DIAPH3: variants seen among roughly 807,000 people sequenced by gnomAD.
DIAPH3 encodes diaphanous related formin 3, also known as protein diaphanous homolog 3.
DIAPH3 carries 117 observed loss-of-function variants against 144.3 expected under a neutral mutation model. The ratio of observed to expected loss-of-function variants is 0.81; its 90% CI spans 0.70 to 0.95. The LOEUF (loss-of-function observed/expected upper bound fraction) is 0.95, where lower values mean the gene tolerates loss of function less well. DIAPH3 is among the 40% of genes least tolerant of loss of function. DIAPH3 has a pLI of 0.00. For synonymous variants in DIAPH3, 519 were observed against 488.9 expected, an observed-to-expected ratio of 1.06 and a Z score of -0.81; for missense variants, 1,421 against 1,412.7, an observed-to-expected ratio of 1.01 and a Z score of -0.09.
intron 27 of DIAPH3, among the ~76,000 whole-genome samples, chr13:59,707,050 T>C (rs2034469286): frequency 6.6e-6 from 1 of 152,164 alleles, no homozygotes; most frequent in South Asian, 2.1e-4. Flanking sequence ...TTTCAGAAAA[T>C]GGTTATATCC....
intron 27 of DIAPH3, among the ~76,000 whole-genome samples, chr13:59,760,861 G>C (rs907806191): frequency 3.3e-5 from 5 of 152,146 alleles, no homozygotes; most frequent in Non-Finnish European, 7.4e-5. Context: ...GACAGCTCCT[G>C]TGACTAATTA....
intron 5 of DIAPH3, among the ~76,000 whole-genome samples, chr13:60,033,686 C>T (rs1299066305): frequency 6.6e-6 from 1 of 152,078 alleles, no homozygotes; most frequent in Non-Finnish European, 1.5e-5. Context: ...CCACCAGGCC[C>T]CACCTTCAGC....
At chr13:60,060,782 T>C (rs1296789478) in intron 4 of DIAPH3, among the ~76,000 whole-genome samples, 1 of 152,074 alleles carries the variant, frequency 6.6e-6, no homozygotes, top group African/African-American at 2.4e-5. Flanking sequence ...ACCATGCTCC[T>C]AAGAAAATTC....
At chr13:59,808,332 T>C (rs1399304701) in intron 25 of DIAPH3, among the ~76,000 whole-genome samples, 2 of 151,924 alleles carry the variant, frequency 1.3e-5, no homozygotes, top group African/African-American at 4.8e-5. Flanking sequence ...AATGAACTTA[T>C]AAACGCTTTT....
chr13:59,841,043 A>G (rs1318286958), intron 22 of DIAPH3, among the ~76,000 whole-genome samples: 2 of 152,044 alleles, frequency 1.3e-5, no homozygotes, highest in Admixed American at 6.6e-5. Flanking sequence ...CTGCTTGTCA[A>G]TTATCCACAA....
chr13:60,138,430 C>T lies in DIAPH3; in HGVS notation c.181-5441G>A, dbSNP rs571351729. Among the ~76,000 whole-genome samples the T allele has an allele frequency of 1.6e-4, 25 of 152,294 alleles. No homozygotes were observed. The South Asian group carries it at 4.6e-3, about 28-fold the overall frequency. On this transcript the variant is annotated intron_variant, in intron 1 of 27. Transcript: ENST00000400324. ...CTTTAAAAACTGGACATACCTGAAA[C>T]AAGCCACATGAAGGGTATAGATAAG...
At chr13:60,150,087 T>A (rs1951714981) in intron 1 of DIAPH3, among the ~76,000 whole-genome samples, 1 of 152,128 alleles carries the variant, frequency 6.6e-6, no homozygotes, top group African/African-American at 2.4e-5. Flanking sequence ...AGTGACACAA[T>A]CATGGCTCAC....
At chr13:60,094,707 G>A (rs545820709) in intron 3 of DIAPH3, among the ~76,000 whole-genome samples, 65 of 152,290 alleles carry the variant, frequency 4.3e-4, no homozygotes, top group African/African-American at 1.4e-3. Context: ...TTATAAGGGT[G>A]CTACATTCAT....
chr13:59,879,291 A>G lies in DIAPH3; in HGVS notation c.2545T>C (p.Tyr849His), dbSNP rs2044841940. 6.2e-7 allele frequency: 1 copy of G among 1,613,658 alleles called. No individual in the cohort carries two copies. The highest frequency in any genetic ancestry group is 1.1e-5 in the South Asian group (1 of 91,086). Residue 849 changes from tyrosine (Y) to histidine (H), a missense_variant, in exon 21 of 28, where the codon TAC becomes CAC. Tyr to His is a moderately conservative substitution (Grantham distance 83, BLOSUM62 2). Transcript: ENST00000400324. Reference sequence around the variant, plus strand: ...GCATTCCGGGAGCCAGCATTCATGTAGTTTCCCATTAGCAATACAAGTTCC... The same window carrying G: ...GCATTCCGGGAGCCAGCATTCATGTGGTTTCCCATTAGCAATACAAGTTCC... ...LLELVLLMGNYMNAGSRNAQT... is the reference protein window; with the variant it reads ...LLELVLLMGNHMNAGSRNAQT...
chr13:59,940,717 A>G (rs1368999226), intron 17 of DIAPH3, among the ~76,000 whole-genome samples: 1 of 152,180 alleles, frequency 6.6e-6, no homozygotes, highest in Admixed American at 6.5e-5. Flanking sequence ...AATCTCCAAT[A>G]AGAAACCATT....
intron 5 of DIAPH3, among the ~76,000 whole-genome samples, chr13:60,040,850 C>T (rs1173521069): frequency 2.0e-5 from 3 of 151,850 alleles, no homozygotes; most frequent in African/African-American, 4.8e-5. Flanking sequence ...TTTTCGCTCT[C>T]GCACTCAAGC....
At chr13:59,782,311 G>C (rs982011255) in intron 25 of DIAPH3, among the ~76,000 whole-genome samples, 1 of 152,256 alleles carries the variant, frequency 6.6e-6, no homozygotes, top group Admixed American at 6.5e-5. Flanking sequence ...TTAGTGGTGA[G>C]AGGGCATTAG....
intron 14 of DIAPH3, 142 bp downstream of exon 14, chr13:59,980,653 G>A (rs1049800413): frequency 4.1e-6 from 3 of 724,978 alleles, no homozygotes; most frequent in Admixed American, 4.4e-5. Flanking sequence ...AGATACAGTA[G>A]TCCTCCTTGG....
chr13:60,080,996 A>G (rs2057540568), intron 4 of DIAPH3, among the ~76,000 whole-genome samples: 1 of 152,012 alleles, frequency 6.6e-6, no homozygotes, highest in Non-Finnish European at 1.5e-5. Context: ...TTCTGAGCTC[A>G]TCAGGCCTGC....
intron 25 of DIAPH3, among the ~76,000 whole-genome samples, chr13:59,778,860 G>A (rs1034490768): frequency 2.0e-5 from 3 of 152,030 alleles, no homozygotes; most frequent in African/African-American, 4.8e-5. Context: ...CAGTTCCCCC[G>A]GTCACAAAGT....
At chr13:60,015,015 G>A (rs1448835580) in intron 7 of DIAPH3, among the ~76,000 whole-genome samples, 1 of 68,800 alleles carries the variant, frequency 1.5e-5, no homozygotes, top group African/African-American at 5.1e-5. Flanking sequence ...TTTTGTTTAA[G>A]GACAGGGATT....
intron 27 of DIAPH3, among the ~76,000 whole-genome samples, chr13:59,731,002 A>G (rs2035867408): frequency 6.6e-6 from 1 of 152,034 alleles, no homozygotes; most frequent in Admixed American, 6.6e-5. Context: ...TCTTGTCAAC[A>G]TCACTCTTCT....
At chr13:59,979,082 A>G (rs576381868) in intron 14 of DIAPH3, among the ~76,000 whole-genome samples, 1 of 151,830 alleles carries the variant, frequency 6.6e-6, no homozygotes, top group South Asian at 2.1e-4. Flanking sequence ...TGATATGGCA[A>G]TAGAAATATT....
chr13:59,709,377 T>C (rs1366024882), intron 27 of DIAPH3, among the ~76,000 whole-genome samples: 2 of 151,940 alleles, frequency 1.3e-5, no homozygotes, highest in Non-Finnish European at 2.9e-5. Flanking sequence ...GAATCTACAA[T>C]GAACTCAAAC....
Sources: allele counts gnomAD v4.1 joint callset (sites outside exome capture counted in the v4.1 genomes callset), GRCh38; gene constraint gnomAD v4.1.1; transcripts MANE v1.5; gene names NCBI Gene and HGNC (gene_info 2026-07-23, HGNC 2026-07-21).